MAP1B: variants seen among roughly 807,000 people sequenced by gnomAD.
MAP1B encodes the protein microtubule-associated protein 1B.
MAP1B carries 12 observed loss-of-function variants against 176.1 expected under a neutral mutation model. The observed-to-expected ratio is 0.07, with a 90% confidence interval of 0.04 to 0.11. MAP1B has a LOEUF of 0.11. MAP1B is among the 10% of genes least tolerant of loss of function. MAP1B has a pLI of 1.00. For synonymous variants in MAP1B, 1,044 were observed against 1,135.0 expected (o/e 0.92, Z 1.61); for missense variants, 2,523 against 2,990.5 (o/e 0.84, Z 3.65).
intron 2 of MAP1B, among the ~76,000 whole-genome samples, chr5:72,131,699 T>A (rs1301642955): frequency 6.6e-6 from 1 of 152,214 alleles, no homozygotes; most frequent in East Asian, 1.9e-4. Flanking sequence ...AGGTTTGTGT[T>A]GTAACATAAT....
chr5:72,131,704 C>T (rs1347629555), intron 2 of MAP1B, among the ~76,000 whole-genome samples: 1 of 152,172 alleles, frequency 6.6e-6, no homozygotes, highest in East Asian at 1.9e-4. Flanking sequence ...TGTGTTGTAA[C>T]ATAATTAGGG....
chr5:72,195,482 CAAGAAGGAAGTT>C lies in MAP1B; in HGVS notation c.2138_2149del (p.Val713_Glu716del), dbSNP rs987915687. ...AGAAAGAAACACCGCCAAAGGAAGT[CAAGAAGGAAGTT>C]AAGAAGGAAGAGAAGAAGGAAGTGA... is the stretch of plus-strand genomic sequence containing the variant. On this transcript the variant is annotated inframe_deletion, in exon 5 of 7. Transcript: ENST00000296755. 16 of 1,587,018 alleles carry C rather than the reference CAAGAAGGAAGTT, an allele frequency of 1.0e-5. No individual in the cohort carries two copies. The highest frequency in any genetic ancestry group is 1.3e-5 in the Non-Finnish European group (15 of 1,172,684).
chr5:72,168,199 T>G (rs1746468079), intron 2 of MAP1B, among the ~76,000 whole-genome samples: 1 of 152,236 alleles, frequency 6.6e-6, no homozygotes, highest in South Asian at 2.1e-4. Context: ...CTTAGGGTGC[T>G]CCATCTCACC....
intron 2 of MAP1B, among the ~76,000 whole-genome samples, chr5:72,158,169 C>T (rs146245525): frequency 5.7e-4 from 87 of 151,684 alleles, no homozygotes; most frequent in African/African-American, 1.6e-3. Context: ...CCACCTCGCC[C>T]GGCTAATTTT....
At chr5:72,183,849 CT>C in intron 3 of MAP1B, 24 bp downstream of exon 3, 1 of 1,607,356 alleles carries the variant, frequency 6.2e-7, no homozygotes, top group Middle Eastern at 1.7e-4. Flanking sequence ...TCTGTAGAAT[CT>C]GGGGCCGGGC....
rs924168975 is a variant in MAP1B, at chr5:72,115,996, G to C, written c.286+197G>C. On this transcript the variant is annotated intron_variant, in intron 2 of 6. Coordinates refer to ENST00000296755, the MANE Select transcript of MAP1B (RefSeq NM_005909.5). ...TATCACTGTGTGGGTTATCTATTTT[G>C]TGGATTCTTAATGAGTTTTTAAGTT... is the stretch of plus-strand genomic sequence containing the variant. The C allele has an allele frequency of 1.0e-5, 5 of 497,692 alleles. No homozygotes were observed. In the Admixed American group the frequency reaches 1.6e-4, roughly 16 times the overall value. 30.8% of individuals were successfully genotyped at this position (497,692 alleles called of 1,614,324 possible). A position where few individuals can be genotyped will look rare whatever the true frequency, so the allele number is the denominator to read the frequency against.
intron 2 of MAP1B, among the ~76,000 whole-genome samples, chr5:72,155,110 A>G (rs1746205032): frequency 1.3e-5 from 2 of 152,296 alleles, no homozygotes; most frequent in South Asian, 4.1e-4. Context: ...CTGGTTTAGC[A>G]CTTGATTGTA....
chr5:72,204,858 G>T lies in MAP1B; in HGVS notation c.7252-226G>T, dbSNP rs1747412232. The stretch of plus-strand genomic sequence containing the variant: ...TGAGAAACTGATTAATTGCTTTTTG[G>T]TTCCAGCCTTCAGTTTCCCTTAGAA... On this transcript the variant is annotated intron_variant, in intron 6 of 6. Coordinates refer to ENST00000296755, the MANE Select transcript of MAP1B (RefSeq NM_005909.5). The surrounding 1 kb of genome is among the most constrained non-coding windows in gnomAD (Gnocchi z 4.4). Among the ~76,000 whole-genome samples, 1 of 152,134 alleles carries T rather than the reference G, an allele frequency of 6.6e-6. No individual in the cohort carries two copies. The highest frequency in any genetic ancestry group is 1.5e-5 in the Non-Finnish European group (1 of 67,998).
intron 5 of MAP1B, among the ~76,000 whole-genome samples, chr5:72,200,606 T>C (rs1263474841): frequency 1.3e-5 from 2 of 152,206 alleles, no homozygotes; most frequent in African/African-American, 4.8e-5. Context: ...CTGGGATTCC[T>C]GATTTTGTGC....
chr5:72,205,050 C>T lies in MAP1B; in HGVS notation c.7252-34C>T, dbSNP rs774822034. The T allele has an allele frequency of 8.8e-6, 14 of 1,582,840 alleles. 1 individual carries two copies. The South Asian group carries it at 1.6e-4, about 18-fold the overall frequency. ...TTTTCATATGGTTTCTGTTTCTGCC[C>T]TTAAATAGCTATTTTTTTTTTCTCT... is the stretch of plus-strand genomic sequence containing the variant. On this transcript the variant is annotated intron_variant, in intron 6 of 6. Coordinates refer to ENST00000296755, the MANE Select transcript of MAP1B (RefSeq NM_005909.5).
rs193146915 is a variant in MAP1B at position 72,122,695 on chromosome 5, T to C, written c.286+6896T>C. 1.0e-3 allele frequency among the ~76,000 whole-genome samples: 156 copies of C among 151,778 alleles called. 1 individual carries two copies. Among genetic ancestry groups the C allele is most frequent in the African/African-American group, 3.6e-3 (149 of 41,328 alleles). The stretch of plus-strand genomic sequence containing the variant: ...GGATGTTTTACTCTGCTGACTGTAA[T>C]GGCTCTCACGCAGTTCCTAATGGGC... On this transcript the variant is annotated intron_variant, in intron 2 of 6. Transcript: ENST00000296755.
At position 72,195,505 on chromosome 5, in the gene MAP1B, A is replaced by G. The variant is rs1747137700; in HGVS notation, c.2150A>G (p.Glu717Gly). The stretch of plus-strand genomic sequence containing the variant: ...GTCAAGAAGGAAGTTAAGAAGGAAG[A>G]GAAGAAGGAAGTGAAAAAGGAAGAA... The part of the protein sequence containing the change: ...KEVKKEVKKE[E>G]KKEVKKEEKE... The change falls in exon 5 of 7, where the codon GAG (glutamate) becomes GGG (glycine). Residue 717 changes from glutamate (E) to glycine (G), a missense_variant. Glu to Gly is a moderately conservative substitution (Grantham distance 98, BLOSUM62 -2). Transcript: ENST00000296755. 6.3e-7 allele frequency: 1 copy of G among 1,585,446 alleles called. No individual in the cohort carries two copies. The highest frequency in any genetic ancestry group is 8.5e-7 in the Non-Finnish European group (1 of 1,172,976).
chr5:72,146,962 T>C (rs1746057399), intron 2 of MAP1B, among the ~76,000 whole-genome samples: 2 of 116,644 alleles, frequency 1.7e-5, no homozygotes. Context: ...CCAAATCTTC[T>C]TTTTTTTTTT....
chr5:72,202,747 A>G (rs1287409707), intron 5 of MAP1B, among the ~76,000 whole-genome samples: 1 of 152,216 alleles, frequency 6.6e-6, no homozygotes, highest in Non-Finnish European at 1.5e-5. Context: ...CACTGCCTCA[A>G]AATGCTAGTT....
chr5:72,179,122 A>G (rs775799146), intron 2 of MAP1B, among the ~76,000 whole-genome samples: 3 of 152,010 alleles, frequency 2.0e-5, no homozygotes, highest in Non-Finnish European at 4.4e-5. Context: ...CCCTTTTGTC[A>G]CACACAATCT....
intron 2 of MAP1B, among the ~76,000 whole-genome samples, chr5:72,132,030 A>G (rs1745742425): frequency 6.6e-6 from 1 of 152,224 alleles, no homozygotes; most frequent in Non-Finnish European, 1.5e-5. Flanking sequence ...AGATACTTCT[A>G]TTACTTGGAG....
intron 2 of MAP1B, among the ~76,000 whole-genome samples, chr5:72,152,463 A>G (rs1477841999): frequency 3.9e-5 from 6 of 152,146 alleles, no homozygotes; most frequent in Non-Finnish European, 8.8e-5. Flanking sequence ...ATTTTATTTT[A>G]TTAGACAGAG....
At chr5:72,134,038 C>T (rs1285656678) in intron 2 of MAP1B, among the ~76,000 whole-genome samples, 1 of 152,168 alleles carries the variant, frequency 6.6e-6, no homozygotes, top group Non-Finnish European at 1.5e-5. Flanking sequence ...CACATGCATT[C>T]TTATTGTCAC....
chr5:72,123,323 G>T, intron 2 of MAP1B, among the ~76,000 whole-genome samples: 1 of 151,974 alleles, frequency 6.6e-6, no homozygotes, highest in East Asian at 1.9e-4. Flanking sequence ...TTGTTTTTGA[G>T]ACAGGTTCTC....
Sources: gnomAD v4.1 joint callset for allele counts (sites outside exome capture counted in the v4.1 genomes callset) on GRCh38, gnomAD v4.1.1 for gene constraint, Gnocchi (gnomAD v3.1) non-coding constraint, MANE v1.5 for transcripts, NCBI Gene and HGNC (gene_info 2026-07-23, HGNC 2026-07-21) for gene names.